Variants in VPS53 observed in about 807,000 individuals in gnomAD.
The protein encoded by VPS53 is vacuolar protein sorting-associated protein 53 homolog.
In VPS53, 70 loss-of-function variants were observed where a neutral mutation model predicts 107.0. That is an observed-to-expected ratio of 0.65 (90% confidence interval 0.54 to 0.80). VPS53 has a LOEUF of 0.80. VPS53 is among the 30% of genes least tolerant of loss of function. The pLI, the probability that VPS53 is intolerant of heterozygous loss-of-function variation, is 0.00. For missense variants in VPS53, 917 were observed against 1,049.4 expected, an observed-to-expected ratio of 0.87 and a Z score of 1.74; for synonymous variants, 409 against 393.3, an observed-to-expected ratio of 1.04 and a Z score of -0.47.
At chr17:597,617 A>T (rs1968037170) in intron 12 of VPS53, among the ~76,000 whole-genome samples, 1 of 152,038 alleles carries the variant, frequency 6.6e-6, no homozygotes. Flanking sequence ...ATCTCGGCTC[A>T]CTGTAACCTC....
chr17:702,558 C>G (rs372542439), intron 2 of VPS53, among the ~76,000 whole-genome samples: 3 of 151,644 alleles, frequency 2.0e-5, no homozygotes, highest in Non-Finnish European at 2.9e-5. Flanking sequence ...CCCAGCTACT[C>G]GGGAGGCTGA....
intron 4 of VPS53, among the ~76,000 whole-genome samples, chr17:673,333 T>C (rs1043145618): frequency 1.4e-4 from 21 of 152,160 alleles, no homozygotes; most frequent in African/African-American, 3.6e-4. Flanking sequence ...CCGGCATCAC[T>C]GAGAGCTGTT....
chr17:657,238 G>T, intron 5 of VPS53: 1 of 1,203,042 alleles, frequency 8.3e-7, no homozygotes. Context: ...GGTCTCCTCA[G>T]GTGTACAGCA....
chr17:613,449 G>A (rs949809441), intron 11 of VPS53, among the ~76,000 whole-genome samples: 3 of 151,172 alleles, frequency 2.0e-5, no homozygotes, highest in Non-Finnish European at 4.4e-5. Context: ...TTCAAATAGT[G>A]AATTCACACA....
At chr17:648,266 G>C (rs1206743255) in intron 7 of VPS53, among the ~76,000 whole-genome samples, 1 of 152,200 alleles carries the variant, frequency 6.6e-6, no homozygotes, top group Non-Finnish European at 1.5e-5. Context: ...ATAAAAATAA[G>C]GCCGGGCACG....
intron 13 of VPS53, among the ~76,000 whole-genome samples, chr17:566,587 C>T (rs773063327): frequency 1.3e-5 from 2 of 152,004 alleles, no homozygotes; most frequent in Non-Finnish European, 2.9e-5. Flanking sequence ...AAGGTGGAAA[C>T]GGGATGGAGG....
intron 12 of VPS53, chr17:600,184 C>T (rs545030669): frequency 6.6e-6 from 1 of 152,344 alleles, no homozygotes; most frequent in East Asian, 1.9e-4. Context: ...CTATCTTAAT[C>T]CAATTTAATA....
At chr17:657,626 C>G in intron 5 of VPS53, 3 of 630,854 alleles carry the variant, frequency 4.8e-6, no homozygotes, top group African/African-American at 1.8e-5. Flanking sequence ...ATTTGGTTGC[C>G]CAGGTTCTGT....
chr17:567,718 T>C (rs565933665), intron 13 of VPS53, among the ~76,000 whole-genome samples: 61 of 151,704 alleles, frequency 4.0e-4, no homozygotes, highest in African/African-American at 1.4e-3. Context: ...AAGATCCCTA[T>C]CTCTAAAAAA....
At chr17:660,871 A>G (rs1971409786) in intron 5 of VPS53, among the ~76,000 whole-genome samples, 1 of 152,214 alleles carries the variant, frequency 6.6e-6, no homozygotes, top group Admixed American at 6.5e-5. Flanking sequence ...GACAACTGAC[A>G]GACAGGACAT....
chr17:637,264 T>C (rs1697639510), intron 7 of VPS53, among the ~76,000 whole-genome samples: 1 of 152,312 alleles, frequency 6.6e-6, no homozygotes, highest in Middle Eastern at 3.4e-3. Flanking sequence ...AGTGGTGATA[T>C]CCCCTTTATC....
At chr17:634,798 A>T (rs1327948525) in intron 7 of VPS53, among the ~76,000 whole-genome samples, 2 of 151,552 alleles carry the variant, frequency 1.3e-5, no homozygotes, top group East Asian at 1.9e-4. Flanking sequence ...TCTATCATTG[A>T]TGGACATTTG....
At chr17:636,369 C>A (rs1438272789) in intron 7 of VPS53, among the ~76,000 whole-genome samples, 1 of 152,192 alleles carries the variant, frequency 6.6e-6, no homozygotes, top group Non-Finnish European at 1.5e-5. Context: ...CAAACAGGGA[C>A]AATTTGACTT....
At chr17:605,833 G>C (rs61697101) in intron 11 of VPS53, among the ~76,000 whole-genome samples, 1 of 151,990 alleles carries the variant, frequency 6.6e-6, no homozygotes, top group Non-Finnish European at 1.5e-5. Flanking sequence ...GGGGTGGCGG[G>C]AGCCCCATCA....
Position 517,655 on chromosome 17 carries a change from G to A in VPS53, c.*1473C>T, listed in dbSNP as rs1567592845. ...CTGCCTCAGCCTCCCCAGTAGCTGG[G>A]ATTACAGGCACTCGCCATGACACCC... is the stretch of plus-strand genomic sequence containing the variant. On this transcript the variant is annotated 3_prime_UTR_variant, in exon 22 of 22. Transcript: ENST00000437048. 3 of 374,254 alleles carry A rather than the reference G, an allele frequency of 8.0e-6. No homozygotes were observed. Among genetic ancestry groups the A allele is most frequent in the Non-Finnish European group, 1.4e-5 (3 of 211,478 alleles). 23.2% of individuals were successfully genotyped at this position (374,254 alleles called of 1,614,324 possible). A position where few individuals can be genotyped will look rare whatever the true frequency, so the allele number is the denominator to read the frequency against.
chr17:564,750 G>A (rs922164231), intron 13 of VPS53, among the ~76,000 whole-genome samples: 2 of 152,060 alleles, frequency 1.3e-5, no homozygotes, highest in Non-Finnish European at 2.9e-5. Flanking sequence ...AACAGGGTAT[G>A]AGCAGCTCCA....
At chr17:602,545 A>G (rs1968376802) in intron 11 of VPS53, among the ~76,000 whole-genome samples, 1 of 152,210 alleles carries the variant, frequency 6.6e-6, no homozygotes, top group Non-Finnish European at 1.5e-5. Flanking sequence ...TATGACCACT[A>G]TTTCAAAATA....
chr17:555,534 T>TCC (rs1567621785), intron 15 of VPS53, among the ~76,000 whole-genome samples: 35 of 151,760 alleles, frequency 2.3e-4, no homozygotes, highest in Non-Finnish European at 4.3e-4. Context: ...GGGGTTTTAC[T>TCC]ATGTTGGCCA....
chr17:691,761 G>C (rs1369826069), intron 4 of VPS53, among the ~76,000 whole-genome samples: 1 of 152,154 alleles, frequency 6.6e-6, no homozygotes, highest in Non-Finnish European at 1.5e-5. Context: ...AGCCATCTCG[G>C]CTATTACATA....
Sources: gnomAD v4.1 joint callset for allele counts (sites outside exome capture counted in the v4.1 genomes callset) on GRCh38, gnomAD v4.1.1 for gene constraint, MANE v1.5 for transcripts, NCBI Gene and HGNC (gene_info 2026-07-23, HGNC 2026-07-21) for gene names.